USH2A: variants seen among roughly 807,000 people sequenced by gnomAD.
USH2A encodes Usher syndrome 2A (autosomal recessive, mild).
USH2A carries 443 observed loss-of-function variants against 538.9 expected under a neutral mutation model. The ratio of observed to expected loss-of-function variants is 0.82; its 90% CI spans 0.76 to 0.89. The LOEUF (loss-of-function observed/expected upper bound fraction) is 0.89. USH2A is among the 40% of genes least tolerant of loss of function. The pLI is 0.00. For missense variants in USH2A, 6,633 were observed against 6,324.8 expected (o/e 1.05, Z -1.65); for synonymous variants, 2,413 against 2,273.5 (o/e 1.06, Z -1.75).
chr1:216,237,565 G>T (rs776099304), intron 13 of USH2A, among the ~76,000 whole-genome samples: 2 of 150,432 alleles, frequency 1.3e-5, no homozygotes, highest in Non-Finnish European at 3.0e-5. Context: ...TCTGGAGTCA[G>T]ATGGACCTGG....
At chr1:216,059,669 C>A (rs1451696285) in intron 30 of USH2A, among the ~76,000 whole-genome samples, 2 of 152,154 alleles carry the variant, frequency 1.3e-5, no homozygotes, top group Admixed American at 1.3e-4. Context: ...CAAGACATTG[C>A]AATGATAATT....
At chr1:215,808,984 G>T (rs1166577080) in intron 49 of USH2A, among the ~76,000 whole-genome samples, 1 of 152,034 alleles carries the variant, frequency 6.6e-6, no homozygotes, top group African/African-American at 2.4e-5. Context: ...GGAGACAGTT[G>T]GCTTAGTCAA....
At chr1:215,703,533 G>A (rs564100113) in intron 61 of USH2A, among the ~76,000 whole-genome samples, 1 of 152,172 alleles carries the variant, frequency 6.6e-6, no homozygotes, top group Non-Finnish European at 1.5e-5. Flanking sequence ...ATCTAGAGAG[G>A]CAGTCTGGCT....
At chr1:215,912,491 GTGTATATATATATATATATACGTGTA>G (rs1665825738) in intron 38 of USH2A, among the ~76,000 whole-genome samples, 2 of 17,310 alleles carry the variant, frequency 1.2e-4, no homozygotes, top group Non-Finnish European at 2.8e-4. Context: ...ATATATATAT[GTGTATATATATATATATATACGTGTA>G]TATATATATA....
chr1:215,700,512 A>T (rs1658972454), intron 61 of USH2A, among the ~76,000 whole-genome samples: 1 of 152,150 alleles, frequency 6.6e-6, no homozygotes, highest in Non-Finnish European at 1.5e-5. Flanking sequence ...TCAGAGATTC[A>T]ACTTCTTCCT....
intron 40 of USH2A, among the ~76,000 whole-genome samples, chr1:215,891,221 A>C (rs1002670068): frequency 1.3e-5 from 2 of 152,158 alleles, no homozygotes; most frequent in Non-Finnish European, 1.5e-5. Flanking sequence ...GAGGTGTTCA[A>C]TTTCAATTTC....
At chr1:215,627,449 C>T (rs71517304) in intron 71 of USH2A, among the ~76,000 whole-genome samples, 21,751 of 82,696 alleles carry the variant, frequency 0.26, 2,326 homozygotes, top group South Asian at 0.4. Flanking sequence ...TCCTTCCTTC[C>T]TTCCTTCCTT....
intron 21 of USH2A, among the ~76,000 whole-genome samples, chr1:216,162,257 G>A (rs917600934): frequency 2.7e-5 from 4 of 150,940 alleles, no homozygotes; most frequent in African/African-American, 9.8e-5. Context: ...CTCTAATCTT[G>A]CCTTCTGCAA....
At position 215,699,956 on chromosome 1, in the gene USH2A, C is replaced by T. The variant is rs187120636; in HGVS notation, c.12067-19580G>A. 2.8e-3 allele frequency among the ~76,000 whole-genome samples: 425 copies of T among 152,226 alleles called. 2 individuals are homozygous for T. Among genetic ancestry groups the T allele is most frequent in the African/African-American group, 7.6e-3 (315 of 41,520 alleles). On this transcript the variant is annotated intron_variant, in intron 61 of 71. Transcript: ENST00000307340. ...TTGGCTGTGGGTTTGTCATAAATAG[C>T]TCTTATTATTTTGAGATACATTCCA...
chr1:216,339,985 C>T (rs529950125), intron 4 of USH2A, among the ~76,000 whole-genome samples: 1 of 151,776 alleles, frequency 6.6e-6, no homozygotes, highest in Non-Finnish European at 1.5e-5. Flanking sequence ...CAACTAAGAT[C>T]AGAGCAGAAC....
chr1:215,860,776 A>G (rs1420524018), intron 44 of USH2A, among the ~76,000 whole-genome samples: 1 of 152,146 alleles, frequency 6.6e-6, no homozygotes, highest in Non-Finnish European at 1.5e-5. Flanking sequence ...AGATCTCTTA[A>G]TTTATTTGTC....
rs1254637647 is a variant in USH2A, at chr1:215,650,650, T to C, written c.14285A>G (p.Asn4762Ser). Residue 4762 changes from asparagine to serine, a missense_variant, in exon 65 of 72, where the codon AAC becomes AGC. Transcript: ENST00000307340. ...VVNISAPGKP[N>S]GIVSLYRLFS... ...CAGCCTGTAGAGACTGACGATCCCGTTGGGCTTCCCAGGGGCACTGATGTT... is the reference window on the plus strand; with the variant it reads ...CAGCCTGTAGAGACTGACGATCCCGCTGGGCTTCCCAGGGGCACTGATGTT... 8 of 1,613,890 alleles carry C rather than the reference T, an allele frequency of 5.0e-6. No homozygotes were observed. The highest frequency in any genetic ancestry group is 3.3e-5 in the Admixed American group (2 of 59,984).
At chr1:216,292,151 C>T (rs1354462444) in intron 10 of USH2A, 24 bp downstream of exon 10, 2 of 1,613,482 alleles carry the variant, frequency 1.2e-6, no homozygotes, top group Non-Finnish European at 1.7e-6. Context: ...TCCAAACCAA[C>T]TCAGGAATTT....
chr1:216,331,150 C>G (rs1274903986), intron 4 of USH2A, among the ~76,000 whole-genome samples: 1 of 152,066 alleles, frequency 6.6e-6, no homozygotes, highest in East Asian at 1.9e-4. Context: ...TCATCCATCC[C>G]AAATAAAAGA....
At chr1:216,400,955 G>A (rs1383054006) in intron 3 of USH2A, among the ~76,000 whole-genome samples, 1 of 151,968 alleles carries the variant, frequency 6.6e-6, no homozygotes, top group African/African-American at 2.4e-5. Context: ...TCTTTAAATA[G>A]AAACAAAATG....
At chr1:215,745,178 C>G (rs532400260) in intron 58 of USH2A, among the ~76,000 whole-genome samples, 2 of 152,112 alleles carry the variant, frequency 1.3e-5, no homozygotes, top group Admixed American at 6.5e-5. Context: ...GTGGATCCTG[C>G]CTTCTTCACT....
intron 40 of USH2A, among the ~76,000 whole-genome samples, chr1:215,892,934 G>A (rs1185889028): frequency 6.6e-6 from 1 of 152,164 alleles, no homozygotes; most frequent in Non-Finnish European, 1.5e-5. Flanking sequence ...GATATCAGGA[G>A]AGTATTGTTT....
rs1668247557 is a variant in USH2A at position 216,000,630 on chromosome 1, C to T, written c.6326-68G>A. ...TCTTATTGAGGAGATTTCACTCCTC[C>T]ACTATAGTCCTATCTCAGAGAATTG... On this transcript the variant is annotated intron_variant, in intron 32 of 71. Transcript: ENST00000307340. 1.9e-6 allele frequency: 3 copies of T among 1,545,398 alleles called. No homozygotes were observed. The Admixed American group carries it at 5.0e-5, about 26-fold the overall frequency.
chr1:216,119,435 A>T (rs917046028), intron 21 of USH2A, among the ~76,000 whole-genome samples: 1 of 151,634 alleles, frequency 6.6e-6, no homozygotes, highest in Admixed American at 6.6e-5. Flanking sequence ...ACAGTATATA[A>T]TATAACATTA....
Sources: gnomAD v4.1 joint callset for allele counts (sites outside exome capture counted in the v4.1 genomes callset) on GRCh38, gnomAD v4.1.1 for gene constraint, MANE v1.5 for transcripts, NCBI Gene and HGNC (gene_info 2026-07-23, HGNC 2026-07-21) for gene names.